Variants in RPS6KA2 observed in about 807,000 individuals in gnomAD.
The protein encoded by RPS6KA2 is ribosomal protein S6 kinase A2.
Under a neutral mutation model 91.8 loss-of-function variants are expected in RPS6KA2, and 42 were observed. That is an observed-to-expected ratio of 0.46 (90% CI 0.36 to 0.59). The LOEUF is 0.59. Among genes scored for constraint, RPS6KA2 ranks in the 20% least tolerant of loss-of-function variants. The pLI is 0.00. For synonymous variants in RPS6KA2, 414 were observed against 393.6 expected, an observed-to-expected ratio of 1.05 and a Z score of -0.61; for missense variants, 798 against 978.5, an observed-to-expected ratio of 0.82 and a Z score of 2.46.
intron 1 of RPS6KA2, among the ~76,000 whole-genome samples, chr6:166,583,995 A>G (rs1785097875): frequency 6.6e-6 from 1 of 152,268 alleles, no homozygotes; most frequent in African/African-American, 2.4e-5. Flanking sequence ...TGTATTTTAT[A>G]GCTCTGGTAG....
At chr6:166,749,844 G>A (rs926789414) in intron 2 of RPS6KA2, among the ~76,000 whole-genome samples, 9 of 146,618 alleles carry the variant, frequency 6.1e-5, no homozygotes, top group Admixed American at 1.4e-4. Flanking sequence ...GCGGGAGCCT[G>A]GCCTCTCCTC....
chr6:166,723,422 G>T (rs770857226), intron 2 of RPS6KA2, among the ~76,000 whole-genome samples: 1 of 152,080 alleles, frequency 6.6e-6, no homozygotes, highest in Non-Finnish European at 1.5e-5. Context: ...GGTCCCACAC[G>T]TGTGCACTAC....
At chr6:166,525,083 C>T (rs12528167) in intron 3 of RPS6KA2, among the ~76,000 whole-genome samples, 11,548 of 152,228 alleles carry the variant, frequency 0.076, 530 homozygotes, top group East Asian at 0.17. Context: ...TACAATACAG[C>T]CCATCTCTTA....
intron 2 of RPS6KA2, among the ~76,000 whole-genome samples, chr6:166,660,350 G>GTGTGCGTGCGTGTGTGCA (rs1788128086): frequency 6.6e-6 from 1 of 151,362 alleles, no homozygotes; most frequent in African/African-American, 2.4e-5. Flanking sequence ...GCGGGTTGGT[G>GTGTGCGTGCGTGTGTGCA]TGTGCGTGCG....
intron 2 of RPS6KA2, among the ~76,000 whole-genome samples, chr6:166,746,160 A>G (rs1047334076): frequency 2.0e-5 from 3 of 152,172 alleles, no homozygotes; most frequent in Non-Finnish European, 4.4e-5. Context: ...CTTGGGACGC[A>G]CACACCCAGC....
intron 1 of RPS6KA2, among the ~76,000 whole-genome samples, chr6:166,579,337 G>A (rs1366175808): frequency 6.6e-6 from 1 of 152,160 alleles, no homozygotes; most frequent in African/African-American, 2.4e-5. Context: ...TGTACAGAAT[G>A]CTACAGAATT....
At chr6:166,841,757 A>C (rs1780484313) in intron 2 of RPS6KA2, among the ~76,000 whole-genome samples, 3 of 152,360 alleles carry the variant, frequency 2.0e-5, no homozygotes, top group Admixed American at 2.0e-4. Flanking sequence ...CCCTTTTGAC[A>C]TGGTATGACG....
chr6:166,456,965 G>T (rs986718224), intron 12 of RPS6KA2, among the ~76,000 whole-genome samples: 5 of 152,206 alleles, frequency 3.3e-5, no homozygotes, highest in Non-Finnish European at 7.3e-5. Flanking sequence ...CTCAAAAAAA[G>T]CTTCCGGTTC....
In RPS6KA2 at chr6:166,516,588, C is replaced by T. The variant is rs542193434; in HGVS notation, c.299-6231G>A. Among the ~76,000 whole-genome samples the T allele has an allele frequency of 8.5e-5, 13 of 152,374 alleles. No individual in the cohort carries two copies. The South Asian group carries it at 1.5e-3, about 17-fold the overall frequency. ...TCTCTGTCACACATCACACAGCCAA[C>T]GGGGCTGCCATTGAGGACCCGTGGG... On this transcript the variant is annotated intron_variant, in intron 3 of 20. Transcript: ENST00000265678.
intron 2 of RPS6KA2, among the ~76,000 whole-genome samples, chr6:166,845,552 A>G (rs921448775): frequency 1.3e-5 from 2 of 152,228 alleles, no homozygotes; most frequent in Non-Finnish European, 2.9e-5. Context: ...AATTAACTCC[A>G]AAAGGCAGGC....
intron 2 of RPS6KA2, chr6:166,757,713 C>T (rs1778057546): frequency 5.0e-6 from 2 of 403,400 alleles, no homozygotes; most frequent in African/African-American, 4.1e-5. Flanking sequence ...CGCACACCTC[C>T]TCTTCCCTCC....
chr6:166,821,596 GCTCCCCTGGGTTTC>G lies in RPS6KA2; in HGVS notation c.123+36590_123+36603del, dbSNP rs947180790. On this transcript the variant is annotated intron_variant, in intron 2 of 21. Coordinates refer to the RPS6KA2 transcript ENST00000503859. The surrounding 1 kb of genome is among the most constrained non-coding windows in gnomAD (Gnocchi z 4.1). ...CCCTCCTCCCACCGTAACCACCTAC[GCTCCCCTGGGTTTC>G]CTCCCCCTCACTTATTCCCTTTCAC... is the stretch of plus-strand genomic sequence containing the variant. 6.6e-6 allele frequency among the ~76,000 whole-genome samples: 1 copy of G among 151,942 alleles called. No homozygotes were observed. Among genetic ancestry groups the G allele is most frequent in the African/African-American group, 2.4e-5 (1 of 41,376 alleles).
chr6:166,563,942 C>T lies in RPS6KA2; in HGVS notation c.100-25158G>A, dbSNP rs937712547. ...TGGCAGGAAAGAGGAGACGATTACT[C>T]CGTGTCTCAGCATGAAGAAATGGCA... On this transcript the variant is annotated intron_variant, in intron 1 of 20. Transcript: ENST00000265678. This position sits in a 1 kb window ranked among gnomAD's most constrained non-coding sequence, Gnocchi z 4.1. Among the ~76,000 whole-genome samples, 20 of 152,138 alleles carry T rather than the reference C, an allele frequency of 1.3e-4. No homozygotes were observed. The highest frequency in any genetic ancestry group is 1.1e-3 in the Admixed American group (17 of 15,280).
chr6:166,651,225 G>A (rs946279845), intron 2 of RPS6KA2, among the ~76,000 whole-genome samples: 4 of 152,176 alleles, frequency 2.6e-5, no homozygotes, highest in Non-Finnish European at 5.9e-5. Context: ...GTAAAAAGCA[G>A]AACATATTCT....
At chr6:166,424,812 AAC>A (rs561010122) in intron 16 of RPS6KA2, among the ~76,000 whole-genome samples, 157 of 152,244 alleles carry the variant, frequency 1.0e-3, no homozygotes, top group Non-Finnish European at 1.7e-3. Flanking sequence ...CGTTGCAAGT[AAC>A]GAAAATTCTT....
chr6:166,658,153 A>G (rs772722806), intron 2 of RPS6KA2, among the ~76,000 whole-genome samples: 7 of 152,160 alleles, frequency 4.6e-5, no homozygotes, highest in Non-Finnish European at 7.4e-5. Flanking sequence ...AAGTGCTGAG[A>G]GTACAGGCAT....
intron 16 of RPS6KA2, among the ~76,000 whole-genome samples, 181 bp downstream of exon 16, chr6:166,430,272 A>G (rs1779076480): frequency 6.6e-6 from 1 of 152,100 alleles, no homozygotes; most frequent in South Asian, 2.1e-4. Flanking sequence ...CCGGCTGGGA[A>G]GAGAATTTTT....
chr6:166,733,806 A>G lies in RPS6KA2; in HGVS notation c.123+124394T>C, dbSNP rs1457555329. On this transcript the variant is annotated intron_variant, in intron 2 of 21. Transcript: ENST00000503859. The surrounding 1 kb of genome is among the most constrained non-coding windows in gnomAD (Gnocchi z 4.1). Reference sequence around the variant, plus strand: ...AGAAGAGGAAGAGAGAAGTAAAAGGAAGGTTTCTGCGTTTTTCTGTTTATA... The same window carrying G: ...AGAAGAGGAAGAGAGAAGTAAAAGGGAGGTTTCTGCGTTTTTCTGTTTATA... Among the ~76,000 whole-genome samples the G allele has an allele frequency of 2.0e-5, 3 of 152,310 alleles. No individual in the cohort carries two copies. Among genetic ancestry groups the G allele is most frequent in the Admixed American group, 6.5e-5 (1 of 15,298 alleles).
intron 2 of RPS6KA2, among the ~76,000 whole-genome samples, chr6:166,745,704 T>A (rs1262886821): frequency 6.6e-6 from 1 of 152,186 alleles, no homozygotes; most frequent in Admixed American, 6.5e-5. Flanking sequence ...GCCTGGGCGC[T>A]GCGGCAAAAA....
Sources: allele counts gnomAD v4.1 joint callset (sites outside exome capture counted in the v4.1 genomes callset), GRCh38; gene constraint gnomAD v4.1.1; non-coding constraint Gnocchi (gnomAD v3.1); transcripts MANE v1.5; gene names NCBI Gene and HGNC (gene_info 2026-07-23, HGNC 2026-07-21).